The following FSD1 variants were observed in gnomAD, a reference collection of about 807,000 sequenced individuals.
FSD1 encodes the protein fibronectin type III and SPRY domain containing 1.
Under a neutral mutation model 58.2 loss-of-function variants are expected in FSD1, and 23 were observed. The observed-to-expected ratio is 0.40, with a 90% CI of 0.28 to 0.56. The LOEUF (loss-of-function observed/expected upper bound fraction) is 0.56. Among genes scored for constraint, FSD1 ranks in the 20% least tolerant of loss-of-function variants. The pLI is 0.54. For missense variants in FSD1, 563 were observed against 670.8 expected (o/e 0.84, Z 1.78); for synonymous variants, 265 against 263.4 (o/e 1.01, Z -0.06).
rs537282275 is a variant in FSD1 at position 4,310,396 on chromosome 19, G to A, written c.369-79G>A. On this transcript the variant is annotated intron_variant, in intron 5 of 12. Transcript: ENST00000221856. ...TCTCATCTCAGAGCCCTGGACGGGA[G>A]CCCTGGGGAGGGGCCCCCTCGCGCC... The A allele has an allele frequency of 1.9e-6, 3 of 1,605,878 alleles. No homozygotes were observed. The South Asian group carries it at 3.3e-5, about 18-fold the overall frequency.
At position 4,323,501 on chromosome 19, in the gene FSD1, A is replaced by AGGG; in HGVS notation, c.1381-31_1381-30insGGG. On this transcript the variant is annotated intron_variant, in intron 12 of 12. Transcript: ENST00000221856. This position sits in a 1 kb window ranked among gnomAD's most constrained non-coding sequence, Gnocchi z 7.7. ...TGCTGGGCGCTGGGGTTTGAAGCTG[A>AGGG]GCCCCTCCCCCCTCCCCCCGCTGTC... is the stretch of plus-strand genomic sequence containing the variant. 1 of 1,412,748 alleles carries AGGG rather than the reference A, an allele frequency of 7.1e-7. No individual in the cohort carries two copies. The highest frequency in any genetic ancestry group is 1.0e-6 in the Non-Finnish European group (1 of 998,316). 87.5% of individuals were successfully genotyped at this position (1,412,748 alleles called of 1,614,324 possible). A position where few individuals can be genotyped will look rare whatever the true frequency, so the allele number is the denominator to read the frequency against.
intron 4 of FSD1, among the ~76,000 whole-genome samples, chr19:4,309,040 A>G (rs1013957144): frequency 2.0e-5 from 3 of 152,184 alleles, no homozygotes; most frequent in Non-Finnish European, 4.4e-5. Context: ...GCACCACTGC[A>G]CTCCAGCCTA....
intron 8 of FSD1, 50 bp downstream of exon 8, chr19:4,317,330 C>T: frequency 9.3e-7 from 1 of 1,077,078 alleles, no homozygotes; most frequent in Non-Finnish European, 1.4e-6. Flanking sequence ...GCCCCTTCCT[C>T]CCACAGCCCC....
chr19:4,322,964 C>G, intron 10 of FSD1, 22 bp from the exon 11 acceptor site: 2 of 1,597,890 alleles, frequency 1.3e-6, no homozygotes, highest in Non-Finnish European at 1.7e-6. Context: ...CCCCTGCCCA[C>G]CCCTCCTGCC....
At chr19:4,309,266 A>C (rs1029541083) in intron 4 of FSD1, among the ~76,000 whole-genome samples, 26 of 152,266 alleles carry the variant, frequency 1.7e-4, no homozygotes, top group African/African-American at 6.0e-4. Context: ...AGAAAAAAAA[A>C]GTATTCATTG....
chr19:4,311,965 C>T lies in FSD1; in HGVS notation c.614C>T (p.Thr205Ile). 1.2e-6 allele frequency: 2 copies of T among 1,611,884 alleles called. No homozygotes were observed. The highest frequency in any genetic ancestry group is 4.5e-5 in the East Asian group (2 of 44,872). Reference protein sequence around the residue: ...IDHYVLEYRRTNFEGPPRLKE... With the variant: ...IDHYVLEYRRINFEGPPRLKE... Reference sequence around the variant, plus strand: ...CACTACGTGCTGGAGTACCGGCGGACCAACTTCGAGGGCCCGCCCCGCCTC... The same window carrying T: ...CACTACGTGCTGGAGTACCGGCGGATCAACTTCGAGGGCCCGCCCCGCCTC... The change falls in exon 7 of 13, where the codon ACC becomes ATC. Residue 205 changes from threonine to isoleucine, a missense_variant. Transcript: ENST00000221856.
At chr19:4,305,695 C>T (rs974541155) in intron 1 of FSD1, among the ~76,000 whole-genome samples, 2 of 152,186 alleles carry the variant, frequency 1.3e-5, no homozygotes, top group Non-Finnish European at 2.9e-5. Flanking sequence ...AGCTCAATAG[C>T]GTGGCAGCCC....
chr19:4,312,674 G>A (rs529686198), intron 7 of FSD1, among the ~76,000 whole-genome samples: 2 of 151,752 alleles, frequency 1.3e-5, no homozygotes, highest in Non-Finnish European at 2.9e-5. Flanking sequence ...GCGTGGCGGT[G>A]TGCACCTGTA....
chr19:4,312,296 G>C (rs768305639), intron 7 of FSD1, among the ~76,000 whole-genome samples: 18 of 151,652 alleles, frequency 1.2e-4, no homozygotes, highest in Admixed American at 3.3e-4. Flanking sequence ...CAAGACCAGC[G>C]TGGCCAACAT....
chr19:4,315,597 C>T lies in FSD1; in HGVS notation c.701-1585C>T, dbSNP rs190760771. On this transcript the variant is annotated intron_variant, in intron 7 of 12. Coordinates refer to ENST00000221856, the MANE Select transcript of FSD1 (RefSeq NM_024333.3). ...TGCTGGGATTACAGGCGTGAGCCAC[C>T]GTGCCTGGCCTTTTTTTTTTTTTTT... is the stretch of plus-strand genomic sequence containing the variant. Among the ~76,000 whole-genome samples, 496 of 147,406 alleles carry T rather than the reference C, an allele frequency of 3.4e-3. 2 individuals carry two copies. Among genetic ancestry groups the T allele is most frequent in the African/African-American group, 0.012 (476 of 39,982 alleles).
At chr19:4,318,993 AG>A in intron 10 of FSD1, 42 bp downstream of exon 10, 1 of 1,515,012 alleles carries the variant, frequency 6.6e-7, no homozygotes. Context: ...AGTTTTGGGC[AG>A]GGGCCTAATG....
At chr19:4,306,419 C>A in intron 3 of FSD1, 90 bp downstream of exon 3, 1 of 1,384,368 alleles carries the variant, frequency 7.2e-7, no homozygotes, top group Non-Finnish European at 1.0e-6. Context: ...AAACTGGGTG[C>A]TCTCGAGTTT....
At chr19:4,305,505 A>T (rs1000993923) in intron 1 of FSD1, among the ~76,000 whole-genome samples, 1 of 151,642 alleles carries the variant, frequency 6.6e-6, no homozygotes, top group Non-Finnish European at 1.5e-5. Context: ...TTCAGGATGT[A>T]GGTATCGGGT....
rs140917445 is a variant in FSD1 at position 4,308,853 on chromosome 19, G to A, written c.345+870G>A. Among the ~76,000 whole-genome samples the A allele has an allele frequency of 3.5e-3, 534 of 150,696 alleles. 3 individuals carry two copies. Among genetic ancestry groups the A allele is most frequent in the African/African-American group, 0.012 (506 of 41,000 alleles). ...AGCCTGGGCAACAGAGCGAGACTCC[G>A]TCGCAAAAAAAAGAGATTGAGACCA... On this transcript the variant is annotated intron_variant, in intron 4 of 12. Transcript: ENST00000221856.
At position 4,306,186 on chromosome 19, in the gene FSD1, G is replaced by C; in HGVS notation, c.112-12G>C. The C allele has an allele frequency of 6.2e-7, 1 of 1,613,892 alleles. No individual in the cohort carries two copies. Among genetic ancestry groups the C allele is most frequent in the Non-Finnish European group, 8.5e-7 (1 of 1,179,856 alleles). On this transcript the variant is annotated splice_polypyrimidine_tract_variant and intron_variant, in intron 2 of 12. Coordinates refer to ENST00000221856, the MANE Select transcript of FSD1 (RefSeq NM_024333.3). ...ACACGGGCTTTGGCCGATTCTGGCT[G>C]TTCCGACCCAGGCGAACTCGGCGAA... is the stretch of plus-strand genomic sequence containing the variant.
At chr19:4,319,122 G>A (rs930885671) in intron 10 of FSD1, among the ~76,000 whole-genome samples, 171 bp downstream of exon 10, 6 of 152,262 alleles carry the variant, frequency 3.9e-5, no homozygotes, top group Non-Finnish European at 7.3e-5. Flanking sequence ...TTCGGGATAA[G>A]GGATTGCTGG....
chr19:4,321,200 C>T (rs1453850825), intron 10 of FSD1, among the ~76,000 whole-genome samples: 8 of 27,784 alleles, frequency 2.9e-4, no homozygotes, highest in Non-Finnish European at 5.2e-4. Context: ...GAGGGAATAA[C>T]TGCAGCCTGA....
intron 3 of FSD1, 85 bp from the exon 4 acceptor site, chr19:4,307,796 CT>C (rs1334057127): frequency 2.7e-5 from 26 of 951,450 alleles, no homozygotes; most frequent in Non-Finnish European, 4.0e-5. Context: ...GCATGGTACC[CT>C]GGATTCTGAA....
In FSD1 at chr19:4,312,012, G is replaced by A. The variant is rs961982251; in HGVS notation, c.661G>A (p.Val221Ile). 3.1e-6 allele frequency: 5 copies of A among 1,612,222 alleles called. No homozygotes were observed. In the African/African-American group the frequency reaches 5.3e-5, roughly 17 times the overall value. Residue 221 changes from valine to isoleucine, a missense_variant, in exon 7 of 13, where the codon GTC (valine) becomes ATC (isoleucine). Val to Ile is a conservative substitution (Grantham distance 29). Coordinates refer to ENST00000221856, the MANE Select transcript of FSD1 (RefSeq NM_024333.3). ...PRLKEDQPWM[V>I]IEGIRQTEYT... ...CCTCAAGGAGGACCAGCCCTGGATG[G>A]TCATCGAGGGCATCCGGCAGACAGA...
Sources: gnomAD v4.1 joint callset for allele counts (sites outside exome capture counted in the v4.1 genomes callset) on GRCh38, gnomAD v4.1.1 for gene constraint, Gnocchi (gnomAD v3.1) non-coding constraint, MANE v1.5 for transcripts, NCBI Gene and HGNC (gene_info 2026-07-23, HGNC 2026-07-21) for gene names.